Variants in IGSF21 observed in about 807,000 individuals in gnomAD.
IGSF21 encodes immunoglobulin superfamily member 21.
In IGSF21, 28 loss-of-function variants were observed where a neutral mutation model predicts 46.8. That is an observed-to-expected ratio of 0.60 (90% CI 0.44 to 0.82). The LOEUF (loss-of-function observed/expected upper bound fraction) is 0.82, where lower values mean the gene tolerates loss of function less well. Ranked by LOEUF, IGSF21 falls within the 40% of genes least tolerant of loss-of-function variation. The probability of loss-of-function intolerance (pLI) is 0.00; values close to 1 mark genes in which losing one functional copy is unlikely to be tolerated. For synonymous variants in IGSF21, 284 were observed against 273.6 expected, an observed-to-expected ratio of 1.04 and a Z score of -0.38; for missense variants, 624 against 665.5, an observed-to-expected ratio of 0.94 and a Z score of 0.69.
chr1:18,236,843 C>T (rs1323059272), intron 2 of IGSF21, among the ~76,000 whole-genome samples: 3 of 152,152 alleles, frequency 2.0e-5, no homozygotes, highest in Admixed American at 6.5e-5. Context: ...AGAGAAATGA[C>T]CATGAACTTG....
At chr1:18,195,937 C>T (rs530638895) in intron 1 of IGSF21, among the ~76,000 whole-genome samples, 2 of 152,328 alleles carry the variant, frequency 1.3e-5, no homozygotes, top group South Asian at 2.1e-4. Flanking sequence ...CCGGAAGAGG[C>T]AGCAGCCAGC....
intron 2 of IGSF21, among the ~76,000 whole-genome samples, chr1:18,262,766 T>A (rs1360757308): frequency 1.3e-5 from 2 of 152,266 alleles, no homozygotes; most frequent in East Asian, 3.9e-4. Context: ...AAGAACCAAG[T>A]CCTTTCCATC....
chr1:18,231,422 G>A (rs548493730), intron 2 of IGSF21, among the ~76,000 whole-genome samples: 5 of 152,300 alleles, frequency 3.3e-5, no homozygotes, highest in South Asian at 2.1e-4. Flanking sequence ...GGGAGGAAGC[G>A]GCAAGAGCCT....
rs926656158 is a variant in IGSF21 at position 18,231,273 on chromosome 1, G to A, written c.183+3263G>A. Among the ~76,000 whole-genome samples, 110 of 152,322 alleles carry A rather than the reference G, an allele frequency of 7.2e-4. 1 individual carries two copies. The highest frequency in any genetic ancestry group is 2.5e-3 in the African/African-American group (105 of 41,574). On this transcript the variant is annotated intron_variant, in intron 2 of 9. Coordinates refer to ENST00000251296, the MANE Select transcript of IGSF21 (RefSeq NM_032880.5). Reference sequence around the variant, plus strand: ...GTCAGAAAACATCATGAATGCATTGGATTCTTTGGGTAAATCAGGGCAGCT... The same window carrying A: ...GTCAGAAAACATCATGAATGCATTGAATTCTTTGGGTAAATCAGGGCAGCT...
chr1:18,204,611 G>A (rs1423706675), intron 1 of IGSF21, among the ~76,000 whole-genome samples: 1 of 152,114 alleles, frequency 6.6e-6, no homozygotes, highest in South Asian at 2.1e-4. Context: ...GCTAGAGAAG[G>A]CTAGGTCAAG....
intron 3 of IGSF21, among the ~76,000 whole-genome samples, chr1:18,296,938 G>A (rs1452132652): frequency 1.3e-5 from 2 of 152,250 alleles, no homozygotes; most frequent in African/African-American, 4.8e-5. Flanking sequence ...GAGGGGCTCA[G>A]TGTATTCCTG....
chr1:18,168,217 C>A (rs2086698705), intron 1 of IGSF21, among the ~76,000 whole-genome samples: 1 of 152,142 alleles, frequency 6.6e-6, no homozygotes, highest in Non-Finnish European at 1.5e-5. Flanking sequence ...GGAAGAGCAT[C>A]TGGCCGTTAA....
intron 2 of IGSF21, among the ~76,000 whole-genome samples, chr1:18,284,048 G>A (rs1488271689): frequency 6.6e-6 from 1 of 152,160 alleles, no homozygotes; most frequent in Non-Finnish European, 1.5e-5. Context: ...ATTTAGAAGA[G>A]ATGAGTCAGT....
chr1:18,310,647 C>T (rs549696168), intron 3 of IGSF21, among the ~76,000 whole-genome samples: 1 of 152,308 alleles, frequency 6.6e-6, no homozygotes, highest in East Asian at 1.9e-4. Context: ...AGAGATGCTG[C>T]CTGTGCTTGT....
intron 1 of IGSF21, among the ~76,000 whole-genome samples, chr1:18,172,409 T>G (rs1052332741): frequency 1.3e-5 from 2 of 152,222 alleles, no homozygotes; most frequent in African/African-American, 4.8e-5. Context: ...ACACATATCA[T>G]AGACTGTGTG....
chr1:18,175,455 T>G (rs1003261420), intron 1 of IGSF21, among the ~76,000 whole-genome samples: 1 of 152,172 alleles, frequency 6.6e-6, no homozygotes, highest in Non-Finnish European at 1.5e-5. Context: ...TTTGAAGGAT[T>G]CAGAGGAAGA....
intron 2 of IGSF21, among the ~76,000 whole-genome samples, chr1:18,251,754 C>T (rs11260966): frequency 6.6e-6 from 1 of 151,862 alleles, no homozygotes; most frequent in Non-Finnish European, 1.5e-5. Context: ...CTCTCCCAAT[C>T]TTCCTGACTA....
chr1:18,359,375 AAAGAAAGAAAGG>A lies in IGSF21; in HGVS notation c.425-2736_425-2725del, dbSNP rs1325925369. Among the ~76,000 whole-genome samples the A allele has an allele frequency of 2.1e-3, 202 of 97,084 alleles. 2 individuals are homozygous for A. Among genetic ancestry groups the A allele is most frequent in the African/African-American group, 5.1e-3 (118 of 23,230 alleles). The allele number at this position is 97,084 out of a possible 152,430, so 63.7% of individuals were successfully genotyped here. ...GAAAGAAAGAAAGAAAGAAAGAAAG[AAAGAAAGAAAGG>A]AAGGAAGGAAGGAAGGAAGGAAGGA... On this transcript the variant is annotated intron_variant, in intron 4 of 9. Coordinates refer to ENST00000251296, the MANE Select transcript of IGSF21 (RefSeq NM_032880.5).
In IGSF21 at chr1:18,273,437, T is replaced by TC. The variant is rs1557618306; in HGVS notation, c.184-18428dup. Among the ~76,000 whole-genome samples, 24 of 121,820 alleles carry TC rather than the reference T, an allele frequency of 2.0e-4. 3 individuals are homozygous for TC. Among genetic ancestry groups the TC allele is most frequent in the Admixed American group, 8.5e-4 (9 of 10,604 alleles). The allele number at this position is 121,820 out of a possible 152,430, so 79.9% of individuals were successfully genotyped here. A position where few individuals can be genotyped will look rare whatever the true frequency, so the allele number is the denominator to read the frequency against. ...TTCTTTTCCTTTCCTTTCCTTTCTT[T>TC]CTTTCTCACTTTCTTTCTTTCTCTC... On this transcript the variant is annotated intron_variant, in intron 2 of 9. Transcript: ENST00000251296.
intron 1 of IGSF21, among the ~76,000 whole-genome samples, chr1:18,177,800 G>T (rs1176453260): frequency 2.0e-5 from 3 of 152,068 alleles, no homozygotes; most frequent in Non-Finnish European, 4.4e-5. Flanking sequence ...GTCATATTCG[G>T]TATGCCCGTT....
intron 2 of IGSF21, among the ~76,000 whole-genome samples, chr1:18,240,987 A>G (rs2084721536): frequency 6.6e-6 from 1 of 152,162 alleles, no homozygotes; most frequent in African/African-American, 2.4e-5. Context: ...GAAATCAGGC[A>G]TCAGAAAGTT....
intron 4 of IGSF21, among the ~76,000 whole-genome samples, chr1:18,349,332 A>G (rs962140375): frequency 6.6e-6 from 1 of 152,166 alleles, no homozygotes; most frequent in Admixed American, 6.5e-5. Flanking sequence ...ACAGGTTTCC[A>G]GAATTCCAGC....
chr1:18,253,635 A>G (rs1057318980), intron 2 of IGSF21, among the ~76,000 whole-genome samples: 2 of 152,228 alleles, frequency 1.3e-5, no homozygotes, highest in Non-Finnish European at 2.9e-5. Context: ...CCAGTTCAAC[A>G]TGACTTTATT....
intron 1 of IGSF21, among the ~76,000 whole-genome samples, chr1:18,178,704 G>A (rs1353354324): frequency 1.3e-5 from 2 of 152,164 alleles, no homozygotes; most frequent in African/African-American, 4.8e-5. Flanking sequence ...TAAGAGTTAA[G>A]CCCTGGGGTC....
Sources: allele counts gnomAD v4.1 joint callset (sites outside exome capture counted in the v4.1 genomes callset), GRCh38; gene constraint gnomAD v4.1.1; transcripts MANE v1.5; gene names NCBI Gene and HGNC (gene_info 2026-07-23, HGNC 2026-07-21).